KCNQ5: variants seen among roughly 807,000 people sequenced by gnomAD.
KCNQ5 encodes the protein potassium voltage-gated channel subfamily Q member 5.
Under a neutral mutation model 98.2 loss-of-function variants are expected in KCNQ5, and 30 were observed. That is an observed-to-expected ratio of 0.31 (90% CI 0.23 to 0.41). The LOEUF (loss-of-function observed/expected upper bound fraction) is 0.41, where lower values mean the gene tolerates loss of function less well. KCNQ5 is among the 10% of genes least tolerant of loss of function. The probability of loss-of-function intolerance (pLI) is 1.00; values close to 1 mark genes in which losing one functional copy is unlikely to be tolerated. For missense variants in KCNQ5, 835 were observed against 1,182.5 expected, an observed-to-expected ratio of 0.71 and a Z score of 4.31; for synonymous variants, 458 against 449.4, an observed-to-expected ratio of 1.02 and a Z score of -0.24.
intron 1 of KCNQ5, among the ~76,000 whole-genome samples, chr6:72,817,365 C>G (rs1290216762): frequency 6.6e-6 from 1 of 152,004 alleles, no homozygotes; most frequent in Non-Finnish European, 1.5e-5. Context: ...TGCCTTAAAC[C>G]AAATATTTTA....
At chr6:72,650,940 A>G (rs1765845969) in intron 1 of KCNQ5, among the ~76,000 whole-genome samples, 1 of 152,020 alleles carries the variant, frequency 6.6e-6, no homozygotes, top group Non-Finnish European at 1.5e-5. Flanking sequence ...AATTGGGTCG[A>G]TTAAGGTTGC....
intron 1 of KCNQ5, among the ~76,000 whole-genome samples, chr6:72,815,284 A>G (rs1011196707): frequency 6.6e-6 from 1 of 152,182 alleles, no homozygotes; most frequent in South Asian, 2.1e-4. Flanking sequence ...GAACACAGCA[A>G]ATGAGAAAAT....
chr6:72,783,209 T>C (rs1773575098), intron 1 of KCNQ5, among the ~76,000 whole-genome samples: 1 of 152,124 alleles, frequency 6.6e-6, no homozygotes, highest in South Asian at 2.1e-4. Flanking sequence ...GAGGGGGTTA[T>C]GTAAGCTGAA....
At chr6:73,041,657 T>C (rs915584601) in intron 2 of KCNQ5, among the ~76,000 whole-genome samples, 2 of 152,198 alleles carry the variant, frequency 1.3e-5, no homozygotes, top group African/African-American at 4.8e-5. Flanking sequence ...AGATCCATTA[T>C]TCAGCCTGCA....
At position 72,622,504 on chromosome 6, in the gene KCNQ5, C is replaced by G. The variant is rs1212366133; in HGVS notation, c.315C>G (p.Asn105Lys). The G allele has an allele frequency of 6.2e-7, 1 of 1,610,518 alleles. No homozygotes were observed. Among genetic ancestry groups the G allele is most frequent in the Admixed American group, 1.7e-5 (1 of 59,876 alleles). ...CGAGTAGCCAGAGCTGCCGGCGCAA[C>G]GTCAAGTACCGGCGGGTGCAGAACT... ...SYTSSQSCRR[N>K]VKYRRVQNYL... Residue 105 changes from asparagine to lysine, a missense_variant, in exon 1 of 14, where the codon AAC becomes AAG. Coordinates refer to ENST00000370398, the MANE Select transcript of KCNQ5 (RefSeq NM_019842.4). The surrounding 1 kb of genome is among the most constrained non-coding windows in gnomAD (Gnocchi z 6.0).
At chr6:72,809,742 G>A (rs1339242125) in intron 1 of KCNQ5, among the ~76,000 whole-genome samples, 1 of 152,200 alleles carries the variant, frequency 6.6e-6, no homozygotes, top group Non-Finnish European at 1.5e-5. Flanking sequence ...AGCATTTAGT[G>A]ACAGTCATTC....
At chr6:72,825,153 C>A (rs2796008) in intron 1 of KCNQ5, among the ~76,000 whole-genome samples, 100,667 of 151,408 alleles carry the variant, frequency 0.66, 34,693 homozygotes, top group Non-Finnish European at 0.77. Context: ...ACAACAACAA[C>A]AAAAAAACGA....
intron 2 of KCNQ5, among the ~76,000 whole-genome samples, chr6:73,015,804 C>T (rs1414222575): frequency 6.6e-6 from 1 of 152,150 alleles, no homozygotes; most frequent in Non-Finnish European, 1.5e-5. Flanking sequence ...GAAGGAAAAA[C>T]ACCCTTCCCT....
At chr6:73,180,164 C>G (rs533273619) in intron 11 of KCNQ5, among the ~76,000 whole-genome samples, 1 of 152,256 alleles carries the variant, frequency 6.6e-6, no homozygotes, top group African/African-American at 2.4e-5. Flanking sequence ...TTGTCTTGCA[C>G]CATGCTTGTA....
chr6:73,053,172 G>C (rs574053589), intron 3 of KCNQ5, among the ~76,000 whole-genome samples: 1 of 152,024 alleles, frequency 6.6e-6, no homozygotes, highest in African/African-American at 2.4e-5. Flanking sequence ...AATGGTAAAG[G>C]GTTCACCTCA....
At chr6:73,032,455 A>G (rs1771194232) in intron 2 of KCNQ5, among the ~76,000 whole-genome samples, 1 of 152,180 alleles carries the variant, frequency 6.6e-6, no homozygotes, top group Non-Finnish European at 1.5e-5. Context: ...GGCATGAACC[A>G]CTGCTCCCAG....
chr6:72,905,401 G>A (rs1779660316), intron 1 of KCNQ5, among the ~76,000 whole-genome samples: 2 of 152,052 alleles, frequency 1.3e-5, no homozygotes, highest in Non-Finnish European at 2.9e-5. Context: ...CTTGGTTCGG[G>A]TCCGTTGCTG....
intron 1 of KCNQ5, among the ~76,000 whole-genome samples, chr6:72,685,941 G>T (rs750705226): frequency 6.6e-6 from 1 of 152,172 alleles, no homozygotes; most frequent in African/African-American, 2.4e-5. Flanking sequence ...TTCTTAGTGA[G>T]GGTCCTCTTC....
intron 1 of KCNQ5, among the ~76,000 whole-genome samples, chr6:72,745,463 G>T (rs772397833): frequency 6.6e-6 from 1 of 152,146 alleles, no homozygotes; most frequent in African/African-American, 2.4e-5. Flanking sequence ...AGCAATCAAG[G>T]CTAGAATCAG....
intron 1 of KCNQ5, among the ~76,000 whole-genome samples, chr6:72,943,107 C>T (rs1766382039): frequency 1.3e-5 from 2 of 152,186 alleles, no homozygotes; most frequent in Admixed American, 1.3e-4. Flanking sequence ...GTAGCCTGCA[C>T]TGTTAGTAAT....
chr6:73,092,822 G>C (rs1221022955), intron 5 of KCNQ5, among the ~76,000 whole-genome samples: 1 of 152,054 alleles, frequency 6.6e-6, no homozygotes, highest in Admixed American at 6.6e-5. Context: ...CTAGTATTTT[G>C]TTAACAATTT....
chr6:72,739,794 A>C (rs1052989098), intron 1 of KCNQ5, among the ~76,000 whole-genome samples: 3 of 152,228 alleles, frequency 2.0e-5, no homozygotes, highest in Non-Finnish European at 2.9e-5. Context: ...GAAGTCTTTC[A>C]GAGTCTGCTT....
chr6:72,973,375 G>A (rs897330919), intron 1 of KCNQ5, among the ~76,000 whole-genome samples: 4 of 152,046 alleles, frequency 2.6e-5, no homozygotes, highest in Non-Finnish European at 5.9e-5. Context: ...CTTTTTTAGA[G>A]ATGCCATGGA....
chr6:73,091,616 T>C (rs1774251600), intron 5 of KCNQ5, among the ~76,000 whole-genome samples: 1 of 152,220 alleles, frequency 6.6e-6, no homozygotes, highest in Non-Finnish European at 1.5e-5. Flanking sequence ...TTCTGTTCCA[T>C]TGGTCTATGT....
Sources: gnomAD v4.1 joint callset for allele counts (sites outside exome capture counted in the v4.1 genomes callset) on GRCh38, gnomAD v4.1.1 for gene constraint, Gnocchi (gnomAD v3.1) non-coding constraint, MANE v1.5 for transcripts, NCBI Gene and HGNC (gene_info 2026-07-23, HGNC 2026-07-21) for gene names.